EYA2: variants seen among roughly 807,000 people sequenced by gnomAD.
The protein encoded by EYA2 is EYA transcriptional coactivator and phosphatase 2, also known as protein phosphatase EYA2.
Under a neutral mutation model 69.2 loss-of-function variants are expected in EYA2, and 31 were observed. The observed-to-expected ratio is 0.45, with a 90% CI of 0.34 to 0.60. The LOEUF (loss-of-function observed/expected upper bound fraction) is 0.60. Ranked by LOEUF, EYA2 falls within the 20% of genes least tolerant of loss-of-function variation. The pLI is 0.02. For missense variants in EYA2, 622 were observed against 701.2 expected, an observed-to-expected ratio of 0.89 and a Z score of 1.28; for synonymous variants, 257 against 279.4, an observed-to-expected ratio of 0.92 and a Z score of 0.80.
chr20:46,928,811 G>A (rs1390092369), intron 1 of EYA2, among the ~76,000 whole-genome samples: 1 of 152,194 alleles, frequency 6.6e-6, no homozygotes, highest in Non-Finnish European at 1.5e-5. Context: ...TGCAGATGGG[G>A]TGGCTTTCAG....
chr20:46,933,535 C>T (rs1985762551), intron 1 of EYA2, among the ~76,000 whole-genome samples: 1 of 152,228 alleles, frequency 6.6e-6, no homozygotes, highest in South Asian at 2.1e-4. Flanking sequence ...AAGGGCCAGA[C>T]AACAGATGGC....
At chr20:46,908,251 T>G (rs557957510) in intron 1 of EYA2, among the ~76,000 whole-genome samples, 1 of 152,140 alleles carries the variant, frequency 6.6e-6, no homozygotes, top group African/African-American at 2.4e-5. Flanking sequence ...TAAACACATA[T>G]GTATATAAGG....
intron 1 of EYA2, among the ~76,000 whole-genome samples, chr20:46,933,544 G>C (rs1985763087): frequency 6.6e-6 from 1 of 152,210 alleles, no homozygotes; most frequent in Admixed American, 6.5e-5. Flanking sequence ...ACAACAGATG[G>C]CATCAGTGGT....
intron 1 of EYA2, among the ~76,000 whole-genome samples, chr20:46,951,974 C>T (rs1178254932): frequency 6.6e-6 from 1 of 152,164 alleles, no homozygotes; most frequent in South Asian, 2.1e-4. Flanking sequence ...TATTATGCTC[C>T]TACTTATACC....
intron 5 of EYA2, among the ~76,000 whole-genome samples, chr20:47,053,602 G>C (rs1035408400): frequency 6.8e-6 from 1 of 148,058 alleles, no homozygotes; most frequent in Non-Finnish European, 1.5e-5. Context: ...AGGAAGTCAA[G>C]ACTGCAGTGA....
chr20:47,183,872 G>A (rs925114002), intron 15 of EYA2, among the ~76,000 whole-genome samples: 4 of 152,158 alleles, frequency 2.6e-5, no homozygotes, highest in African/African-American at 7.2e-5. Flanking sequence ...AGCTGCCAAA[G>A]TCCTGGGTCT....
At chr20:46,950,186 G>A (rs796793330) in intron 1 of EYA2, among the ~76,000 whole-genome samples, 65 of 152,338 alleles carry the variant, frequency 4.3e-4, no homozygotes, top group African/African-American at 1.5e-3. Context: ...AGTGAAGCAT[G>A]GAGTTGAGTG....
At chr20:47,058,394 A>G (rs1215154551) in intron 5 of EYA2, among the ~76,000 whole-genome samples, 3 of 152,142 alleles carry the variant, frequency 2.0e-5, no homozygotes, top group Non-Finnish European at 2.9e-5. Context: ...CAGTGGTCCC[A>G]CTCTATCCCA....
At chr20:47,020,873 CTG>C (rs1270717004) in intron 5 of EYA2, among the ~76,000 whole-genome samples, 5 of 152,216 alleles carry the variant, frequency 3.3e-5, no homozygotes, top group Admixed American at 6.5e-5. Flanking sequence ...TTTATTATCT[CTG>C]TTATTCCTTC....
chr20:47,003,440 A>G (rs185664398), intron 3 of EYA2, among the ~76,000 whole-genome samples: 24 of 152,238 alleles, frequency 1.6e-4, no homozygotes, highest in African/African-American at 5.8e-4. Context: ...TTCGGTCTCA[A>G]GAGGTGGCTG....
intron 9 of EYA2, among the ~76,000 whole-genome samples, chr20:47,113,543 C>T (rs76621318): frequency 0.039 from 5,995 of 152,264 alleles, 240 homozygotes; most frequent in African/African-American, 0.11. Flanking sequence ...GAGGCAGAAA[C>T]CATGGGTGCT....
intron 15 of EYA2, 118 bp from the exon 16 acceptor site, chr20:47,187,935 G>T (rs2034679501): frequency 1.9e-6 from 2 of 1,039,778 alleles, no homozygotes; most frequent in Admixed American, 4.0e-5. Flanking sequence ...CATAGTTTGG[G>T]AAGTCCCCAC....
chr20:47,183,511 G>C, intron 15 of EYA2, 120 bp downstream of exon 15: 1 of 781,120 alleles, frequency 1.3e-6, no homozygotes, highest in South Asian at 1.8e-5. Flanking sequence ...TCCTTCCCAG[G>C]CTCCTTGCTT....
At chr20:47,033,806 A>G (rs772381610) in intron 5 of EYA2, among the ~76,000 whole-genome samples, 2 of 152,196 alleles carry the variant, frequency 1.3e-5, no homozygotes, top group Admixed American at 6.5e-5. Flanking sequence ...GATGATTCTC[A>G]ATGGACATAT....
chr20:47,031,261 G>A (rs1984396757), intron 5 of EYA2, among the ~76,000 whole-genome samples: 1 of 152,210 alleles, frequency 6.6e-6, no homozygotes, highest in Admixed American at 6.5e-5. Flanking sequence ...CCAGCAGATA[G>A]GAGGCCAAGT....
intron 5 of EYA2, among the ~76,000 whole-genome samples, chr20:47,066,244 G>A (rs1351649268): frequency 6.6e-6 from 1 of 151,992 alleles, no homozygotes; most frequent in East Asian, 1.9e-4. Flanking sequence ...AGGTAGGAGG[G>A]TCACCAGAGT....
At chr20:46,907,621 G>A (rs1030501345) in intron 1 of EYA2, among the ~76,000 whole-genome samples, 7 of 152,198 alleles carry the variant, frequency 4.6e-5, no homozygotes, top group Non-Finnish European at 8.8e-5. Context: ...GGCGGATTGC[G>A]TGAAGTCAGA....
At chr20:47,063,717 GCCAAGTCTTCATTTA>G (rs1209037369) in intron 5 of EYA2, among the ~76,000 whole-genome samples, 2 of 152,156 alleles carry the variant, frequency 1.3e-5, no homozygotes, top group Non-Finnish European at 2.9e-5. Context: ...CTGGCCGTGG[GCCAAGTCTTCATTTA>G]CTTAAGGTGT....
At chr20:46,956,689 A>C (rs1458606314) in intron 1 of EYA2, among the ~76,000 whole-genome samples, 2 of 152,206 alleles carry the variant, frequency 1.3e-5, no homozygotes, top group African/African-American at 4.8e-5. Context: ...TGCAGCGTAG[A>C]TCTGTGTTCA....
Sources: allele counts gnomAD v4.1 joint callset (sites outside exome capture counted in the v4.1 genomes callset), GRCh38; gene constraint gnomAD v4.1.1; transcripts MANE v1.5; gene names NCBI Gene and HGNC (gene_info 2026-07-23, HGNC 2026-07-21).